Variants in SYT1 observed in about 807,000 individuals in gnomAD.
SYT1 encodes the protein synaptotagmin-1.
In SYT1, 8 loss-of-function variants were observed where a neutral mutation model predicts 44.8. The observed-to-expected ratio is 0.18, with a 90% CI of 0.10 to 0.32. SYT1 has a LOEUF of 0.32. Ranked by LOEUF, SYT1 falls within the 10% of genes least tolerant of loss-of-function variation. SYT1 has a pLI of 1.00. For missense variants in SYT1, 286 were observed against 509.3 expected, an observed-to-expected ratio of 0.56 and a Z score of 4.22; for synonymous variants, 154 against 188.8, an observed-to-expected ratio of 0.82 and a Z score of 1.51.
rs551382802 is a variant in SYT1 at position 78,910,740 on chromosome 12, G to GT, written c.-217+45632dup. On this transcript the variant is annotated intron_variant, in intron 1 of 10. Transcript: ENST00000261205. ...TCTACAGAAGAGGGTAAAATATACC[G>GT]TGTTCTGAGAGCTCATAGTAAGGAA... Among the ~76,000 whole-genome samples the GT allele has an allele frequency of 5.9e-5, 9 of 152,084 alleles. No individual in the cohort carries two copies. The South Asian group carries it at 1.7e-3, about 28-fold the overall frequency.
chr12:79,089,468 C>T (rs966219741), intron 3 of SYT1, among the ~76,000 whole-genome samples: 1 of 148,086 alleles, frequency 6.8e-6, no homozygotes. Context: ...ACATGCTTGC[C>T]ACTCAGTAAT....
chr12:79,129,442 A>C (rs1384175149), intron 3 of SYT1, among the ~76,000 whole-genome samples: 1 of 152,210 alleles, frequency 6.6e-6, no homozygotes, highest in Non-Finnish European at 1.5e-5. Flanking sequence ...GGTCTATGAA[A>C]GAGCACAGTC....
chr12:78,953,656 C>T (rs1879077792), intron 1 of SYT1, among the ~76,000 whole-genome samples: 1 of 151,928 alleles, frequency 6.6e-6, no homozygotes, highest in African/African-American at 2.4e-5. Context: ...AAAACCCAAA[C>T]CACAGTATGA....
intron 2 of SYT1, among the ~76,000 whole-genome samples, chr12:79,019,256 T>C (rs889772134): frequency 1.3e-5 from 2 of 152,002 alleles, no homozygotes; most frequent in African/African-American, 4.8e-5. Flanking sequence ...ACAAATAATA[T>C]TTCATTCATG....
intron 9 of SYT1, among the ~76,000 whole-genome samples, chr12:79,385,873 T>A (rs746443219): frequency 6.6e-6 from 1 of 152,180 alleles, no homozygotes; most frequent in Non-Finnish European, 1.5e-5. Flanking sequence ...CCCCTAAAAT[T>A]GTTATTGTCA....
At chr12:79,294,892 A>C (rs77164334) in intron 6 of SYT1, among the ~76,000 whole-genome samples, 15 of 60,042 alleles carry the variant, frequency 2.5e-4, no homozygotes, top group Admixed American at 8.3e-4. Flanking sequence ...TGATTCCACA[A>C]AAAAAAAAAA....
intron 3 of SYT1, among the ~76,000 whole-genome samples, chr12:79,081,414 C>A (rs1452909765): frequency 6.7e-6 from 1 of 149,956 alleles, no homozygotes; most frequent in Admixed American, 6.6e-5. Context: ...GAATCTCACT[C>A]TATCACCCAG....
At chr12:79,166,903 C>G (rs1449795550) in intron 3 of SYT1, among the ~76,000 whole-genome samples, 1 of 152,026 alleles carries the variant, frequency 6.6e-6, no homozygotes, top group Non-Finnish European at 1.5e-5. Context: ...CTGTGTCATA[C>G]TTTTTACATG....
At chr12:79,420,003 T>C (rs566675291) in intron 9 of SYT1, among the ~76,000 whole-genome samples, 62 of 152,304 alleles carry the variant, frequency 4.1e-4, no homozygotes, top group Middle Eastern at 3.4e-3. Context: ...TCTGTGTTGA[T>C]TAAAGTAACG....
intron 3 of SYT1, among the ~76,000 whole-genome samples, chr12:79,078,846 G>C (rs552889045): frequency 7.2e-5 from 11 of 152,068 alleles, no homozygotes; most frequent in African/African-American, 2.7e-4. Context: ...GTTTCAAGAA[G>C]GTTTTATACA....
intron 3 of SYT1, among the ~76,000 whole-genome samples, chr12:79,206,137 C>CA (rs913569414): frequency 3.7e-4 from 56 of 151,078 alleles, no homozygotes; most frequent in Admixed American, 6.6e-4. Flanking sequence ...CTTGTGCACA[C>CA]AAAAAAAACA....
chr12:78,911,906 G>A (rs1876355412), intron 1 of SYT1, among the ~76,000 whole-genome samples: 1 of 151,968 alleles, frequency 6.6e-6, no homozygotes, highest in Non-Finnish European at 1.5e-5. Context: ...ATTACTAAAT[G>A]TGATGAATAT....
At chr12:79,292,181 C>T in intron 6 of SYT1, 51 bp downstream of exon 6, 3 of 1,575,794 alleles carry the variant, frequency 1.9e-6, no homozygotes, top group Non-Finnish European at 2.6e-6. Flanking sequence ...CTGAAATTAC[C>T]AAGTAGAAAT....
At chr12:79,252,400 T>C (rs1184246840) in intron 4 of SYT1, among the ~76,000 whole-genome samples, 2 of 152,158 alleles carry the variant, frequency 1.3e-5, no homozygotes, top group Non-Finnish European at 2.9e-5. Context: ...GCAGAGGTAG[T>C]GGTCATTAGT....
intron 9 of SYT1, among the ~76,000 whole-genome samples, chr12:79,434,155 A>G (rs866308522): frequency 2.0e-5 from 3 of 152,218 alleles, no homozygotes; most frequent in Non-Finnish European, 1.5e-5. Flanking sequence ...ACCATTAATG[A>G]ACTAAATCAG....
chr12:79,238,394 C>T (rs1345122475), intron 4 of SYT1, among the ~76,000 whole-genome samples: 1 of 152,098 alleles, frequency 6.6e-6, no homozygotes, highest in Admixed American at 6.5e-5. Flanking sequence ...AAGATTATGC[C>T]TGAAAAGAGG....
intron 3 of SYT1, among the ~76,000 whole-genome samples, chr12:79,067,684 A>C (rs747549126): frequency 7.2e-5 from 11 of 152,188 alleles, no homozygotes; most frequent in Non-Finnish European, 1.5e-4. Context: ...CAGGTAAAAC[A>C]TCAATACCAA....
At chr12:79,035,636 C>T (rs1286390523) in intron 2 of SYT1, among the ~76,000 whole-genome samples, 1 of 151,590 alleles carries the variant, frequency 6.6e-6, no homozygotes, top group African/African-American at 2.4e-5. Flanking sequence ...CAAAGCCACC[C>T]ATTCTGCCAT....
chr12:79,331,039 A>G (rs1881833009), intron 8 of SYT1, among the ~76,000 whole-genome samples: 1 of 152,188 alleles, frequency 6.6e-6, no homozygotes, highest in Non-Finnish European at 1.5e-5. Context: ...TGACCCCAGG[A>G]AAAATTGCCC....
Sources: gnomAD v4.1 joint callset for allele counts (sites outside exome capture counted in the v4.1 genomes callset) on GRCh38, gnomAD v4.1.1 for gene constraint, MANE v1.5 for transcripts, NCBI Gene and HGNC (gene_info 2026-07-23, HGNC 2026-07-21) for gene names.